Variants in EPHA5 observed in about 807,000 individuals in gnomAD.
EPHA5 encodes EPH receptor A5, also known as ephrin type-A receptor 5.
In EPHA5, 60 loss-of-function variants were observed where a neutral mutation model predicts 105.0. The observed-to-expected ratio is 0.57, with a 90% CI of 0.46 to 0.71. The LOEUF (loss-of-function observed/expected upper bound fraction) is 0.71, where lower values mean the gene tolerates loss of function less well. Among genes scored for constraint, EPHA5 ranks in the 30% least tolerant of loss-of-function variants. EPHA5 has a pLI of 0.00. For synonymous variants in EPHA5, 513 were observed against 449.1 expected, an observed-to-expected ratio of 1.14 and a Z score of -1.80; for missense variants, 1,218 against 1,274.7, an observed-to-expected ratio of 0.96 and a Z score of 0.68.
chr4:65,662,234 T>G (rs1039446715), intron 1 of EPHA5, among the ~76,000 whole-genome samples: 1 of 152,120 alleles, frequency 6.6e-6, no homozygotes, highest in African/African-American at 2.4e-5. Context: ...AGACTGTATT[T>G]TCTCTAAATC....
In EPHA5 at chr4:65,348,164, T is replaced by C. The variant is rs760078567; in HGVS notation, c.2485A>G (p.Ile829Val). The change falls in exon 14 of 17, where the codon ATA becomes GTA. Residue 829 changes from isoleucine (I) to valine (V), a missense_variant. Physicochemically the swap from Ile to Val is conservative, Grantham distance 29. This residue lies in a region of EPHA5 where 971 missense variants were observed against 1,013.5 expected (regional missense o/e 0.96). Coordinates refer to ENST00000613740, the MANE Select transcript of EPHA5 (RefSeq NM_001281766.3). ...GCAGAAGTAAACTTTCGGAAAGCTA[T>C]TGCTTCTGGGGCAGTCCATCTGATT... is the stretch of plus-strand genomic sequence containing the variant. ...IPIRWTAPEA[I>V]AFRKFTSASD... The C allele has an allele frequency of 1.4e-5, 22 of 1,613,658 alleles. No homozygotes were observed. Among genetic ancestry groups the C allele is most frequent in the East Asian group, 2.2e-5 (1 of 44,812 alleles).
At chr4:65,409,906 A>T (rs557041590) in intron 7 of EPHA5, among the ~76,000 whole-genome samples, 1 of 152,338 alleles carries the variant, frequency 6.6e-6, no homozygotes, top group African/African-American at 2.4e-5. Context: ...AATAATGACA[A>T]TTCCAAATGC....
At chr4:65,581,259 C>T (rs1741592535) in intron 3 of EPHA5, among the ~76,000 whole-genome samples, 1 of 151,824 alleles carries the variant, frequency 6.6e-6, no homozygotes, top group Middle Eastern at 3.4e-3. Context: ...CAGATTTACT[C>T]AGTTTTTCTC....
intron 7 of EPHA5, among the ~76,000 whole-genome samples, chr4:65,406,236 T>C (rs1247040467): frequency 6.6e-6 from 1 of 152,152 alleles, no homozygotes; most frequent in Non-Finnish European, 1.5e-5. Flanking sequence ...CTAGGGTTAG[T>C]TCAATCCAAA....
At chr4:65,408,645 A>T (rs1215728695) in intron 7 of EPHA5, among the ~76,000 whole-genome samples, 1 of 152,108 alleles carries the variant, frequency 6.6e-6, no homozygotes, top group Non-Finnish European at 1.5e-5. Flanking sequence ...ATGAGATACC[A>T]TCTCACAGCA....
intron 8 of EPHA5, among the ~76,000 whole-genome samples, chr4:65,393,948 T>C (rs1720970317): frequency 6.6e-6 from 1 of 152,176 alleles, no homozygotes; most frequent in Non-Finnish European, 1.5e-5. Context: ...ATATTCAAGA[T>C]GAGTACATAT....
At chr4:65,353,191 T>C (rs558141949) in intron 11 of EPHA5, 88 bp from the exon 12 acceptor site, 23 of 366,886 alleles carry the variant, frequency 6.3e-5, no homozygotes, top group African/African-American at 5.4e-4. Flanking sequence ...TTTATTAGTG[T>C]CAAAATTGTA....
intron 12 of EPHA5, among the ~76,000 whole-genome samples, chr4:65,352,288 A>T (rs1398043564): frequency 6.6e-6 from 1 of 151,996 alleles, no homozygotes. Context: ...TATCAAATTC[A>T]TTGCATAGGT....
chr4:65,528,012 A>AATATTAAATAAT (rs1735405048), intron 3 of EPHA5, among the ~76,000 whole-genome samples: 1 of 152,138 alleles, frequency 6.6e-6, no homozygotes, highest in Non-Finnish European at 1.5e-5. Flanking sequence ...AATATTTAAG[A>AATATTAAATAAT]GTTTAATATT....
intron 8 of EPHA5, among the ~76,000 whole-genome samples, chr4:65,371,116 T>C (rs890840730): frequency 3.9e-5 from 6 of 152,244 alleles, no homozygotes; most frequent in Admixed American, 1.3e-4. Context: ...AAATAAACTA[T>C]TTTTTTAAAT....
At chr4:65,418,862 C>CTTTTGTTTT (rs1723648674) in intron 6 of EPHA5, among the ~76,000 whole-genome samples, 1 of 47,042 alleles carries the variant, frequency 2.1e-5, no homozygotes, top group African/African-American at 1.1e-4. Context: ...TACCTAAACT[C>CTTTTGTTTT]TTTTTTTTTT....
intron 3 of EPHA5, among the ~76,000 whole-genome samples, chr4:65,522,296 A>ATG (rs1447215812): frequency 5.3e-5 from 7 of 131,278 alleles, no homozygotes; most frequent in Non-Finnish European, 3.3e-5. Context: ...CTTTAGAAAT[A>ATG]TGTGTGTGTA....
At chr4:65,411,527 C>T (rs995821316) in intron 7 of EPHA5, among the ~76,000 whole-genome samples, 1 of 152,040 alleles carries the variant, frequency 6.6e-6, no homozygotes, top group African/African-American at 2.4e-5. Context: ...TTCTTACATA[C>T]CTGACTGATA....
intron 2 of EPHA5, among the ~76,000 whole-genome samples, chr4:65,642,946 G>A (rs920287840): frequency 6.6e-6 from 1 of 151,898 alleles, no homozygotes; most frequent in African/African-American, 2.4e-5. Context: ...ATTGGTCCCA[G>A]CGTTGAATCA....
chr4:65,395,038 A>G lies in EPHA5; in HGVS notation c.1793+9336T>C, dbSNP rs373008605. 1.7e-3 allele frequency among the ~76,000 whole-genome samples: 254 copies of G among 152,310 alleles called. 6 individuals are homozygous for G. In the South Asian group the frequency reaches 0.05, roughly 30 times the overall value. On this transcript the variant is annotated intron_variant, in intron 8 of 16. Coordinates refer to ENST00000613740, the MANE Select transcript of EPHA5 (RefSeq NM_001281766.3). ...AGCTGCATTAAAAACTCTGACATAA[A>G]TATTTTATTTGGCCCCAAATGAGCT...
At chr4:65,476,187 A>G (rs188405813) in intron 5 of EPHA5, among the ~76,000 whole-genome samples, 552 of 151,238 alleles carry the variant, frequency 3.6e-3, no homozygotes, top group Non-Finnish European at 6.0e-3. Flanking sequence ...TGGCCCCTAC[A>G]TTGTATATAC....
At chr4:65,545,298 A>T (rs1224514235) in intron 3 of EPHA5, among the ~76,000 whole-genome samples, 1 of 151,824 alleles carries the variant, frequency 6.6e-6, no homozygotes, top group African/African-American at 2.4e-5. Flanking sequence ...AGAATCACCT[A>T]CTAAAAGTAA....
chr4:65,473,589 A>G (rs770434259), intron 5 of EPHA5, among the ~76,000 whole-genome samples: 4 of 152,144 alleles, frequency 2.6e-5, no homozygotes, highest in Admixed American at 2.0e-4. Flanking sequence ...AACTCACTCA[A>G]TATCACAAGA....
chr4:65,376,972 G>C (rs1719075099), intron 8 of EPHA5: 3 of 1,587,406 alleles, frequency 1.9e-6, no homozygotes, highest in African/African-American at 1.3e-5. Flanking sequence ...CATCACATAG[G>C]AGTGAAAGTG....
Sources: allele counts gnomAD v4.1 joint callset (sites outside exome capture counted in the v4.1 genomes callset), GRCh38; gene constraint gnomAD v4.1.1; regional missense constraint gnomAD v4.1.1; transcripts MANE v1.5; gene names NCBI Gene and HGNC (gene_info 2026-07-23, HGNC 2026-07-21).